KCNIP4: variants seen among roughly 807,000 people sequenced by gnomAD.
KCNIP4 encodes the protein Kv channel-interacting protein 4.
Under a neutral mutation model 34.0 loss-of-function variants are expected in KCNIP4, and 12 were observed. That is an observed-to-expected ratio of 0.35 (90% CI 0.23 to 0.57). The LOEUF (loss-of-function observed/expected upper bound fraction) is 0.57. Among genes scored for constraint, KCNIP4 ranks in the 20% least tolerant of loss-of-function variants. The pLI, the probability that KCNIP4 is intolerant of heterozygous loss-of-function variation, is 0.83. For synonymous variants in KCNIP4, 124 were observed against 102.2 expected (o/e 1.21, Z -1.29); for missense variants, 238 against 311.7 (o/e 0.76, Z 1.78).
chr4:21,474,841 TAAA>T (rs56801156), intron 1 of KCNIP4, among the ~76,000 whole-genome samples: 11 of 148,372 alleles, frequency 7.4e-5, no homozygotes, highest in Non-Finnish European at 1.3e-4. Flanking sequence ...CTAAAAATAA[TAAA>T]AAAAAAATTA....
At chr4:21,044,594 G>A (rs937408349) in intron 1 of KCNIP4, among the ~76,000 whole-genome samples, 2 of 152,186 alleles carry the variant, frequency 1.3e-5, no homozygotes, top group African/African-American at 4.8e-5. Flanking sequence ...ACAGGCATGA[G>A]CCACCATGCC....
intron 1 of KCNIP4, among the ~76,000 whole-genome samples, chr4:21,071,021 G>C (rs1005908688): frequency 1.3e-5 from 2 of 151,888 alleles, no homozygotes; most frequent in Non-Finnish European, 2.9e-5. Context: ...TTCTTTGTTA[G>C]ATATGTAGTT....
At chr4:21,610,373 T>C (rs146073636) in intron 1 of KCNIP4, among the ~76,000 whole-genome samples, 2 of 152,354 alleles carry the variant, frequency 1.3e-5, no homozygotes, top group African/African-American at 4.8e-5. Flanking sequence ...TCTTTACATG[T>C]CTGTATCCAA....
chr4:21,338,471 C>G (rs997443907), intron 1 of KCNIP4, among the ~76,000 whole-genome samples: 6 of 151,010 alleles, frequency 4.0e-5, no homozygotes, highest in Middle Eastern at 3.4e-3. Flanking sequence ...GCCAGGCATA[C>G]TGGCATGTTC....
At chr4:21,025,263 C>T (rs1043752842) in intron 1 of KCNIP4, among the ~76,000 whole-genome samples, 1 of 152,122 alleles carries the variant, frequency 6.6e-6, no homozygotes, top group Admixed American at 6.6e-5. Context: ...AGGTCCAGCT[C>T]AGATGCCTGC....
At chr4:21,026,513 G>T (rs577234528) in intron 1 of KCNIP4, among the ~76,000 whole-genome samples, 3 of 152,114 alleles carry the variant, frequency 2.0e-5, no homozygotes, top group African/African-American at 7.2e-5. Context: ...AATTAGCCAG[G>T]TGTGGTGGCA....
At chr4:21,832,933 T>C (rs1208677925) in intron 1 of KCNIP4, among the ~76,000 whole-genome samples, 2 of 150,726 alleles carry the variant, frequency 1.3e-5, no homozygotes, top group African/African-American at 2.5e-5. Context: ...TCATTTTTTA[T>C]GGCTGCATAG....
At chr4:21,635,634 A>G (rs1043702599) in intron 1 of KCNIP4, among the ~76,000 whole-genome samples, 5 of 152,102 alleles carry the variant, frequency 3.3e-5, no homozygotes. Context: ...AAAAGTCAGG[A>G]AACAACAGGT....
At chr4:21,271,173 G>C (rs946504498) in intron 1 of KCNIP4, among the ~76,000 whole-genome samples, 1 of 152,066 alleles carries the variant, frequency 6.6e-6, no homozygotes, top group African/African-American at 2.4e-5. Flanking sequence ...TTTTAATCTA[G>C]TCATATGATT....
chr4:21,803,711 G>A (rs1428929351), intron 1 of KCNIP4, among the ~76,000 whole-genome samples: 1 of 151,922 alleles, frequency 6.6e-6, no homozygotes, highest in East Asian at 1.9e-4. Flanking sequence ...CAGTTCAATA[G>A]ACACTTCCCC....
chr4:21,265,842 G>A (rs570294185), intron 1 of KCNIP4, among the ~76,000 whole-genome samples: 2 of 152,238 alleles, frequency 1.3e-5, no homozygotes, highest in South Asian at 4.2e-4. Context: ...CTGAGACACT[G>A]AAGAAACAAT....
chr4:21,183,169 T>C (rs1315156748), intron 1 of KCNIP4, among the ~76,000 whole-genome samples: 1 of 152,168 alleles, frequency 6.6e-6, no homozygotes, highest in Non-Finnish European at 1.5e-5. Context: ...CTACATGTTG[T>C]TGTAAATGAC....
intron 1 of KCNIP4, among the ~76,000 whole-genome samples, chr4:21,297,007 TACAC>T (rs1324601219): frequency 1.3e-5 from 2 of 151,560 alleles, no homozygotes; most frequent in African/African-American, 2.4e-5. Flanking sequence ...TGTGTATACA[TACAC>T]ACATACATAA....
intron 1 of KCNIP4, among the ~76,000 whole-genome samples, chr4:21,109,260 C>G (rs1380399046): frequency 5.9e-5 from 9 of 152,320 alleles, no homozygotes; most frequent in East Asian, 1.9e-4. Flanking sequence ...CCACCCAGTT[C>G]GAGCTTCCCG....
At chr4:21,442,320 G>A (rs1334793587) in intron 1 of KCNIP4, among the ~76,000 whole-genome samples, 1 of 152,134 alleles carries the variant, frequency 6.6e-6, no homozygotes, top group African/African-American at 2.4e-5. Context: ...CAAAAGCCCT[G>A]ACTGATTTTT....
At chr4:21,527,866 T>C (rs1736105256) in intron 1 of KCNIP4, among the ~76,000 whole-genome samples, 1 of 152,174 alleles carries the variant, frequency 6.6e-6, no homozygotes, top group Non-Finnish European at 1.5e-5. Context: ...ATCTCTTAAC[T>C]ACTGTACCAC....
chr4:20,815,907 C>T (rs989395941), intron 3 of KCNIP4, among the ~76,000 whole-genome samples: 1 of 152,114 alleles, frequency 6.6e-6, no homozygotes, highest in South Asian at 2.1e-4. Context: ...TTGCAAATTA[C>T]ACTTCTCTGA....
intron 1 of KCNIP4, among the ~76,000 whole-genome samples, chr4:21,052,606 C>A (rs1743025981): frequency 6.6e-6 from 1 of 152,184 alleles, no homozygotes. Context: ...TCCAAAAAGT[C>A]ACCATGGAAT....
intron 1 of KCNIP4, among the ~76,000 whole-genome samples, chr4:21,649,177 C>G (rs1005939267): frequency 1.3e-5 from 2 of 152,088 alleles, no homozygotes; most frequent in Non-Finnish European, 2.9e-5. Flanking sequence ...ACTGTTAAAA[C>G]TGTACTGGAA....
Sources: allele counts gnomAD v4.1 joint callset (sites outside exome capture counted in the v4.1 genomes callset), GRCh38; gene constraint gnomAD v4.1.1; transcripts MANE v1.5; gene names NCBI Gene and HGNC (gene_info 2026-07-23, HGNC 2026-07-21).